The following RBFOX1 variants were observed in gnomAD, a reference collection of about 807,000 sequenced individuals.
RBFOX1 encodes RNA binding protein fox-1 homolog 1.
Under a neutral mutation model 57.7 loss-of-function variants are expected in RBFOX1, and 8 were observed. That is an observed-to-expected ratio of 0.14 (90% CI 0.08 to 0.25). RBFOX1 has a LOEUF of 0.25. RBFOX1 is among the 10% of genes least tolerant of loss of function. The pLI is 1.00. For missense variants in RBFOX1, 611 were observed against 548.5 expected, an observed-to-expected ratio of 1.11 and a Z score of -1.14; for synonymous variants, 326 against 222.4, an observed-to-expected ratio of 1.47 and a Z score of -4.15.
chr16:7,133,075 T>G (rs1423763213), intron 4 of RBFOX1, among the ~76,000 whole-genome samples: 1 of 152,078 alleles, frequency 6.6e-6, no homozygotes, highest in Non-Finnish European at 1.5e-5. Context: ...AGTGACCTTA[T>G]TATGGCAAAA....
chr16:6,973,179 G>T (rs191004870), intron 3 of RBFOX1, among the ~76,000 whole-genome samples: 1 of 151,396 alleles, frequency 6.6e-6, no homozygotes, highest in South Asian at 2.1e-4. Flanking sequence ...TCAGCTTTGA[G>T]AGAGTGTGTG....
intron 3 of RBFOX1, among the ~76,000 whole-genome samples, chr16:6,660,838 C>A (rs542313411): frequency 6.6e-6 from 1 of 152,204 alleles, no homozygotes; most frequent in East Asian, 1.9e-4. Context: ...TCAAATGAGG[C>A]CCTGGAAAGT....
intron 4 of RBFOX1, among the ~76,000 whole-genome samples, chr16:7,320,428 A>T (rs1262886269): frequency 6.6e-6 from 1 of 152,174 alleles, no homozygotes; most frequent in African/African-American, 2.4e-5. Flanking sequence ...TTATGGCTGC[A>T]TAGTATTCCA....
chr16:7,412,997 A>G (rs8056227), intron 4 of RBFOX1, among the ~76,000 whole-genome samples: 120,581 of 152,014 alleles, frequency 0.79, 48,009 homozygotes, highest in East Asian at 0.93. Context: ...AGCCAAGATC[A>G]CGCCACTGCA....
chr16:7,262,241 A>C (rs950154916), intron 4 of RBFOX1, among the ~76,000 whole-genome samples: 1 of 152,156 alleles, frequency 6.6e-6, no homozygotes, highest in African/African-American at 2.4e-5. Context: ...ATGCATGCAT[A>C]GCCTGCCATT....
At chr16:7,537,871 A>G (rs929645584) in intron 5 of RBFOX1, among the ~76,000 whole-genome samples, 1 of 152,238 alleles carries the variant, frequency 6.6e-6, no homozygotes, top group Admixed American at 6.5e-5. Flanking sequence ...CATCATACAT[A>G]ATGCATGAGG....
At chr16:5,964,734 ACT>A (rs1229890965) in intron 4 of RBFOX1, among the ~76,000 whole-genome samples, 2 of 151,598 alleles carry the variant, frequency 1.3e-5, no homozygotes, top group African/African-American at 4.8e-5. Flanking sequence ...ACACACAATG[ACT>A]CTTAGGTTAT....
chr16:6,003,375 C>T (rs962337748), intron 4 of RBFOX1, among the ~76,000 whole-genome samples: 2 of 151,960 alleles, frequency 1.3e-5, no homozygotes, highest in South Asian at 2.1e-4. Context: ...CTCCTGTGCT[C>T]CTTGCCTGAA....
At position 6,020,038 on chromosome 16, in the gene RBFOX1, T is replaced by A. The variant is rs1193749392; in HGVS notation, c.-127+46T>A. 4.2e-6 allele frequency: 6 copies of A among 1,439,642 alleles called. No homozygotes were observed. The African/African-American group carries it at 8.6e-5, about 21-fold the overall frequency. 89.2% of individuals were successfully genotyped at this position (1,439,642 alleles called of 1,614,324 possible). On this transcript the variant is annotated intron_variant, in intron 1 of 15. Transcript: ENST00000550418. Reference sequence around the variant, plus strand: ...TGCCTCTGCACCCACCCTGACCTGGTGGGTCAGGTCCAGAAGGTCTCATGG... The same window carrying A: ...TGCCTCTGCACCCACCCTGACCTGGAGGGTCAGGTCCAGAAGGTCTCATGG...
In RBFOX1 at chr16:5,797,683, C is replaced by T. The variant is rs528290865; in HGVS notation, c.319-69620C>T. Among the ~76,000 whole-genome samples the T allele has an allele frequency of 2.2e-4, 33 of 152,276 alleles. No homozygotes were observed. In the South Asian group the frequency reaches 3.7e-3, roughly 17 times the overall value. ...CAAATATTTTGTTAGCTAATCAAAG[C>T]CAGATTGTGGTCAGAGGCCATATCT... is the stretch of plus-strand genomic sequence containing the variant. On this transcript the variant is annotated intron_variant, in intron 3 of 19. Transcript: ENST00000641259.
chr16:5,381,706 T>A (rs2066135627), intron 1 of RBFOX1, among the ~76,000 whole-genome samples: 1 of 152,178 alleles, frequency 6.6e-6, no homozygotes, highest in South Asian at 2.1e-4. Flanking sequence ...CAAGAGCCTG[T>A]TGAATGGAAG....
intron 3 of RBFOX1, among the ~76,000 whole-genome samples, chr16:5,686,677 T>C (rs1273104579): frequency 6.6e-6 from 1 of 152,202 alleles, no homozygotes; most frequent in Non-Finnish European, 1.5e-5. Context: ...TACTTAGTAT[T>C]GAGGGTAATA....
At position 5,825,161 on chromosome 16, in the gene RBFOX1, G is replaced by C. The variant is rs181203181; in HGVS notation, c.319-42142G>C. 2.1e-3 allele frequency among the ~76,000 whole-genome samples: 319 copies of C among 152,338 alleles called. 1 individual carries two copies. Among genetic ancestry groups the C allele is most frequent in the Admixed American group, 0.011 (173 of 15,302 alleles). ...CTGGACCCTCGTTGCCCAGGTTTAA[G>C]TCCCAGCTCGGCTATGCACAGCTTC... On this transcript the variant is annotated intron_variant, in intron 3 of 19. Transcript: ENST00000641259.
intron 4 of RBFOX1, among the ~76,000 whole-genome samples, chr16:5,972,949 C>T (rs1181774815): frequency 1.3e-5 from 2 of 152,152 alleles, no homozygotes; most frequent in Non-Finnish European, 2.9e-5. Context: ...TTTCATGAGT[C>T]ATCATTTCTG....
Position 6,317,062 on chromosome 16 carries a change from G to A in RBFOX1, c.-64+5G>A. The A allele has an allele frequency of 6.5e-7, 1 of 1,533,136 alleles. No individual in the cohort carries two copies. Among genetic ancestry groups the A allele is most frequent in the Non-Finnish European group, 8.7e-7 (1 of 1,144,404 alleles). The allele number at this position is 1,533,136 out of a possible 1,614,324, so 95.0% of individuals were successfully genotyped here. A position where few individuals can be genotyped will look rare whatever the true frequency, so the allele number is the denominator to read the frequency against. ...CTTGATCGGACTCAGCATTCAGTAAGTGCAACCCATTTTGAACATTCATTC... is the reference window on the plus strand; with the variant it reads ...CTTGATCGGACTCAGCATTCAGTAAATGCAACCCATTTTGAACATTCATTC... On this transcript the variant is annotated splice_donor_5th_base_variant and intron_variant, in intron 2 of 15. Transcript: ENST00000550418.
intron 4 of RBFOX1, among the ~76,000 whole-genome samples, chr16:7,118,063 C>T (rs574176176): frequency 1.3e-4 from 20 of 152,242 alleles, no homozygotes; most frequent in African/African-American, 4.1e-4. Context: ...TTTTTTTATA[C>T]AGTGACTTGT....
chr16:5,735,170 A>C (rs1017009553), intron 3 of RBFOX1, among the ~76,000 whole-genome samples: 5 of 152,144 alleles, frequency 3.3e-5, no homozygotes, highest in African/African-American at 7.2e-5. Flanking sequence ...CTGGCTAGGA[A>C]ATATGATGGA....
At chr16:6,568,154 C>G (rs62015490) in intron 2 of RBFOX1, among the ~76,000 whole-genome samples, 1 of 151,982 alleles carries the variant, frequency 6.6e-6, no homozygotes, top group Non-Finnish European at 1.5e-5. Flanking sequence ...CCAAAGTTAG[C>G]CTCTCAAAAC....
chr16:7,350,940 G>A (rs904349100), intron 4 of RBFOX1, among the ~76,000 whole-genome samples: 21 of 152,214 alleles, frequency 1.4e-4, no homozygotes, highest in Non-Finnish European at 2.9e-4. Context: ...ATGCAAACCT[G>A]CCTGAGCATG....
Sources: allele counts gnomAD v4.1 joint callset (sites outside exome capture counted in the v4.1 genomes callset), GRCh38; gene constraint gnomAD v4.1.1; transcripts MANE v1.5; gene names NCBI Gene and HGNC (gene_info 2026-07-23, HGNC 2026-07-21).